The following PRAG1 variants were observed in gnomAD, a reference collection of about 807,000 sequenced individuals.
PRAG1 encodes PEAK1 related, kinase-activating pseudokinase 1, also known as inactive tyrosine-protein kinase PRAG1.
Under a neutral mutation model 95.6 loss-of-function variants are expected in PRAG1, and 110 were observed. The ratio of observed to expected loss-of-function variants is 1.15; its 90% CI spans 0.99 to 1.35. The LOEUF is 1.35. PRAG1 is among the 40% of genes most tolerant of loss of function. The probability of loss-of-function intolerance (pLI) is 0.00; values close to 1 mark genes in which losing one functional copy is unlikely to be tolerated. For missense variants in PRAG1, 2,554 were observed against 1,864.7 expected, an observed-to-expected ratio of 1.37 and a Z score of -6.81; for synonymous variants, 1,052 against 819.4, an observed-to-expected ratio of 1.28 and a Z score of -4.85.
Position 8,327,787 on chromosome 8 carries a change from G to C in PRAG1, c.2995C>G (p.Pro999Ala). The C allele has an allele frequency of 6.2e-7, 1 of 1,614,218 alleles. No homozygotes were observed. Among genetic ancestry groups the C allele is most frequent in the Non-Finnish European group, 8.5e-7 (1 of 1,180,046 alleles). Residue 999 changes from proline to alanine, a missense_variant, in exon 5 of 6, where the codon CCC (proline) becomes GCC (alanine). Pro to Ala is a conservative substitution (Grantham distance 27). Coordinates refer to ENST00000615670, the MANE Select transcript of PRAG1 (RefSeq NM_001080826.3). ...WSLFKLTCNK[P>A]CCDSGDAIYY... ...ATGGCATCCCCCGAGTCACAGCAGG[G>C]CTTGTTACAAGTCAGCTTGAAGAGC...
At chr8:8,383,320 C>G (rs1800745469) in intron 1 of PRAG1, among the ~76,000 whole-genome samples, 1 of 152,276 alleles carries the variant, frequency 6.6e-6, no homozygotes, top group South Asian at 2.1e-4. Flanking sequence ...CCTGTAATCC[C>G]AGCACTTTGG....
At chr8:8,378,117 C>T (rs759228496) in intron 2 of PRAG1, 39 bp from the exon 3 acceptor site, 5 of 1,504,726 alleles carry the variant, frequency 3.3e-6, no homozygotes, top group Non-Finnish European at 4.4e-6. Context: ...TATATTAGAA[C>T]TTGTCATAGA....
chr8:8,377,184 G>A lies in PRAG1; in HGVS notation c.1225C>T (p.Pro409Ser), dbSNP rs779009281. Residue 409 changes from proline to serine, a missense_variant, in exon 3 of 6, where the codon CCT becomes TCT. Physicochemically the swap from Pro to Ser is moderately conservative, Grantham distance 74. Transcript: ENST00000615670. Reference sequence around the variant, plus strand: ...GTGCTCTCAGCATAGATGGGTTCAGGCTGTGTAGCCTCCCGGGGGTGGGCC... The same window carrying A: ...GTGCTCTCAGCATAGATGGGTTCAGACTGTGTAGCCTCCCGGGGGTGGGCC... ...PPAHPREATQPEPIYAESTKR... is the reference protein window; with the variant it reads ...PPAHPREATQSEPIYAESTKR... The A allele has an allele frequency of 1.2e-6, 2 of 1,611,746 alleles. No individual in the cohort carries two copies. The highest frequency in any genetic ancestry group is 1.3e-5 in the African/African-American group (1 of 74,950).
In PRAG1 at chr8:8,376,536, G is replaced by T; in HGVS notation, c.1873C>A (p.Arg625=). ...CAGGTGCCTGCCTGGAACCTGGGCCGCCTCTGTTCCGAGGCTGACGAGGCG... is the reference window on the plus strand; with the variant it reads ...CAGGTGCCTGCCTGGAACCTGGGCCTCCTCTGTTCCGAGGCTGACGAGGCG... ...PAASSASEQR[R]PRFQAGTWSR... Residue 625 remains arginine, a synonymous_variant, in exon 3 of 6, where the codon CGG becomes AGG. Transcript: ENST00000615670. 1 of 1,609,452 alleles carries T rather than the reference G, an allele frequency of 6.2e-7. No individual in the cohort carries two copies. Among genetic ancestry groups the T allele is most frequent in the Non-Finnish European group, 8.5e-7 (1 of 1,176,672 alleles).
chr8:8,373,597 G>C (rs755791856), intron 3 of PRAG1, among the ~76,000 whole-genome samples: 2 of 151,962 alleles, frequency 1.3e-5, no homozygotes, highest in Non-Finnish European at 2.9e-5. Context: ...TGACAGGCAT[G>C]TGCCACCATC....
chr8:8,374,814 T>G, intron 3 of PRAG1: 1 of 391,290 alleles, frequency 2.6e-6, no homozygotes, highest in Non-Finnish European at 3.5e-6. Context: ...ATCACATCAG[T>G]GCCTGAGACG....
Position 8,327,807 on chromosome 8 carries a change from A to G in PRAG1, c.2975T>C (p.Phe992Ser). 6.2e-7 allele frequency: 1 copy of G among 1,614,218 alleles called. No individual in the cohort carries two copies. Among genetic ancestry groups the G allele is most frequent in the Non-Finnish European group, 8.5e-7 (1 of 1,180,040 alleles). ...LHFNENNWSL[F>S]KLTCNKPCCD... ...GCAGGGCTTGTTACAAGTCAGCTTG[A>G]AGAGCGACCAGTTATTCTCATTGAA... The change falls in exon 5 of 6, where the codon TTC becomes TCC. Residue 992 changes from phenylalanine to serine, a missense_variant. By Grantham distance (155) the Phe-to-Ser change is radical (BLOSUM62 -2). Coordinates refer to ENST00000615670, the MANE Select transcript of PRAG1 (RefSeq NM_001080826.3).
intron 4 of PRAG1, among the ~76,000 whole-genome samples, chr8:8,330,465 A>C (rs1798785569): frequency 6.6e-6 from 1 of 152,166 alleles, no homozygotes; most frequent in South Asian, 2.1e-4. Context: ...TGGTTTATCA[A>C]GATCATAGGG....
chr8:8,339,256 T>C (rs1481587505), intron 4 of PRAG1, among the ~76,000 whole-genome samples: 1 of 152,176 alleles, frequency 6.6e-6, no homozygotes, highest in Non-Finnish European at 1.5e-5. Flanking sequence ...TGTTGCCACG[T>C]CCACACTCTT....
Position 8,376,666 on chromosome 8 carries a change from G to A in PRAG1, c.1743C>T (p.Ser581=), listed in dbSNP as rs1158762560. The A allele has an allele frequency of 6.2e-7, 1 of 1,610,916 alleles. No homozygotes were observed. Among genetic ancestry groups the A allele is most frequent in the Non-Finnish European group, 8.5e-7 (1 of 1,179,258 alleles). ...ADLSDGSSGG[S]SIGPQPPSQG... is the part of the protein sequence containing the mutation. Reference sequence around the variant, plus strand: ...GGGATGGAGGCTGGGGCCCAATGCTGCTGCCGCCAGAGCTCCCATCACTAA... The same window carrying A: ...GGGATGGAGGCTGGGGCCCAATGCTACTGCCGCCAGAGCTCCCATCACTAA... The change falls in exon 3 of 6, where the codon AGC becomes AGT. Residue 581 remains serine, a synonymous_variant. Transcript: ENST00000615670.
At chr8:8,337,597 C>T (rs1016585888) in intron 4 of PRAG1, among the ~76,000 whole-genome samples, 3 of 152,136 alleles carry the variant, frequency 2.0e-5, no homozygotes, top group Non-Finnish European at 4.4e-5. Flanking sequence ...ATGGTTGGCT[C>T]TCAGGGGCTA....
intron 3 of PRAG1, among the ~76,000 whole-genome samples, chr8:8,345,066 T>C (rs1039075585): frequency 1.3e-5 from 2 of 151,004 alleles, no homozygotes; most frequent in African/African-American, 4.9e-5. Context: ...TGTGTGTGTG[T>C]GTGTGTGTGT....
In PRAG1 at chr8:8,377,139, G is replaced by A. The variant is rs752182728; in HGVS notation, c.1270C>T (p.Pro424Ser). The A allele has an allele frequency of 2.5e-6, 4 of 1,612,384 alleles. No individual in the cohort carries two copies. Among genetic ancestry groups the A allele is most frequent in the Middle Eastern group, 1.6e-4 (1 of 6,084 alleles). Residue 424 changes from proline to serine, a missense_variant, in exon 3 of 6, where the codon CCG becomes TCG. Physicochemically the swap from Pro to Ser is moderately conservative, Grantham distance 74. Transcript: ENST00000615670. ...TTGGCCTGTGACTTGGAAGGCACCG[G>A]AGCTGCCTTCTTCCTCTTGGTGCTC... ...AESTKRKKAA[P>S]VPSKSQAKIE...
chr8:8,348,067 C>T (rs1799404920), intron 3 of PRAG1, among the ~76,000 whole-genome samples: 1 of 152,330 alleles, frequency 6.6e-6, no homozygotes, highest in African/African-American at 2.4e-5. Flanking sequence ...CAGGTGCATG[C>T]CACCACACCC....
chr8:8,369,687 T>TA (rs1800128057), intron 3 of PRAG1, among the ~76,000 whole-genome samples: 1 of 141,996 alleles, frequency 7.0e-6, no homozygotes, highest in Non-Finnish European at 1.5e-5. Context: ...GTCTATTTTG[T>TA]AAAAAATAAA....
intron 4 of PRAG1, among the ~76,000 whole-genome samples, chr8:8,336,969 T>C (rs1050610112): frequency 4.5e-5 from 6 of 133,890 alleles, no homozygotes; most frequent in African/African-American, 8.4e-5. Context: ...TTAACGCTGA[T>C]ACATTTCCAA....
intron 3 of PRAG1, among the ~76,000 whole-genome samples, chr8:8,357,357 T>G (rs28876982): frequency 6.6e-6 from 1 of 151,800 alleles, no homozygotes; most frequent in Non-Finnish European, 1.5e-5. Flanking sequence ...ACAATCCAAT[T>G]AAAAACTGGT....
At chr8:8,374,580 A>G (rs941380064) in intron 3 of PRAG1, 1 of 859,142 alleles carries the variant, frequency 1.2e-6, no homozygotes, top group Non-Finnish European at 1.4e-6. Flanking sequence ...GGATGAAATG[A>G]GTTGTTATGT....
chr8:8,378,188 G>A (rs1312699586), intron 2 of PRAG1, 110 bp from the exon 3 acceptor site: 2 of 1,305,112 alleles, frequency 1.5e-6, no homozygotes, highest in Admixed American at 2.6e-5. Flanking sequence ...GTCTTCTGTA[G>A]TGCAGTGCAG....
Sources: allele counts gnomAD v4.1 joint callset (sites outside exome capture counted in the v4.1 genomes callset), GRCh38; gene constraint gnomAD v4.1.1; transcripts MANE v1.5; gene names NCBI Gene and HGNC (gene_info 2026-07-23, HGNC 2026-07-21).